Variants in IGDCC3 observed in about 807,000 individuals in gnomAD.
IGDCC3 encodes putative neuronal cell adhesion molecule.
IGDCC3 carries 47 observed loss-of-function variants against 72.0 expected under a neutral mutation model. The ratio of observed to expected loss-of-function variants is 0.65; its 90% CI spans 0.52 to 0.83. IGDCC3 has a LOEUF of 0.83. IGDCC3 is among the 40% of genes least tolerant of loss of function. IGDCC3 has a pLI of 0.00. For synonymous variants in IGDCC3, 477 were observed against 472.8 expected, an observed-to-expected ratio of 1.01 and a Z score of -0.11; for missense variants, 1,038 against 1,091.3, an observed-to-expected ratio of 0.95 and a Z score of 0.69.
intron 2 of IGDCC3, among the ~76,000 whole-genome samples, chr15:65,362,846 ATTT>A (rs869239198): frequency 0.12 from 9,964 of 85,270 alleles, 561 homozygotes; most frequent in East Asian, 0.34. Context: ...AGGTTTGGGG[ATTT>A]TTTTTTTTTT....
intron 9 of IGDCC3, 58 bp downstream of exon 9, chr15:65,330,992 T>C: frequency 1.3e-6 from 2 of 1,583,108 alleles, no homozygotes; most frequent in South Asian, 1.2e-5. Flanking sequence ...GCATGGTGGT[T>C]CTGCTCTGAT....
rs1463845011 is a variant in IGDCC3, at chr15:65,333,388, A to G, written c.851T>C (p.Ile284Thr). 1 of 1,609,458 alleles carries G rather than the reference A, an allele frequency of 6.2e-7. No individual in the cohort carries two copies. The highest frequency in any genetic ancestry group is 8.5e-7 in the Non-Finnish European group (1 of 1,177,866). Residue 284 changes from isoleucine (I) to threonine (T), a missense_variant, in exon 6 of 14, where the codon ATC (isoleucine) becomes ACC (threonine). By Grantham distance (89) the Ile-to-Thr change is moderately conservative. Transcript: ENST00000327987. The stretch of plus-strand genomic sequence containing the variant: ...GAGGTTTCCTGTGCCCAGCACCTGG[A>G]TGCCCTCCACCCCGATAGGGCGACC... ...LDGRPIGVEG[I>T]QVLGTGNLII...
rs747473718 is a variant in IGDCC3, at chr15:65,329,108, A to T, written c.2246T>A (p.Leu749His). 5 of 1,610,240 alleles carry T rather than the reference A, an allele frequency of 3.1e-6. No individual in the cohort carries two copies. Among genetic ancestry groups the T allele is most frequent in the Non-Finnish European group, 4.2e-6 (5 of 1,178,856 alleles). ...AAPAPCEETQLSVLPLQGCGL... is the reference protein window; with the variant it reads ...AAPAPCEETQHSVLPLQGCGL... ...GCACCCCTGAAGTGGCAGCACGGAG[A>T]GCTGGGTCTCCTCACACGGAGCGGG... The change falls in exon 14 of 14, where the codon CTC (leucine) becomes CAC (histidine). Residue 749 changes from leucine to histidine, a missense_variant. Coordinates refer to ENST00000327987, the MANE Select transcript of IGDCC3 (RefSeq NM_004884.4). The surrounding 1 kb of genome is among the most constrained non-coding windows in gnomAD (Gnocchi z 4.1).
intron 7 of IGDCC3, 44 bp downstream of exon 7, chr15:65,331,897 C>A (rs1387122696): frequency 6.3e-7 from 1 of 1,583,152 alleles, no homozygotes; most frequent in Non-Finnish European, 8.6e-7. Context: ...CCCGCTTTCC[C>A]TGCTCTCCCC....
At position 65,329,054 on chromosome 15, in the gene IGDCC3, G is replaced by GCCTCCGTCGTCTTCC. The variant is rs1156278573; in HGVS notation, c.2285_2299dup (p.Gly762_Glu766dup). Reference sequence around the variant, plus strand: ...GGGAGCCGTGGCCTCTGTGGTCTTCGCCTCCGTCGTCTTCCCCTCCATCAG... The same window carrying GCCTCCGTCGTCTTCC: ...GGGAGCCGTGGCCTCTGTGGTCTTCGCCTCCGTCGTCTTCCCCTCCGTCGTCTTCCCCTCCATCAG... On this transcript the variant is annotated inframe_insertion, in exon 14 of 14. Coordinates refer to ENST00000327987, the MANE Select transcript of IGDCC3 (RefSeq NM_004884.4). This position sits in a 1 kb window ranked among gnomAD's most constrained non-coding sequence, Gnocchi z 4.1. The GCCTCCGTCGTCTTCC allele has an allele frequency of 1.2e-6, 2 of 1,611,722 alleles. No individual in the cohort carries two copies. Among genetic ancestry groups the GCCTCCGTCGTCTTCC allele is most frequent in the African/African-American group, 1.3e-5 (1 of 74,912 alleles).
At chr15:65,336,782 TAA>T (rs2091033039) in intron 2 of IGDCC3, among the ~76,000 whole-genome samples, 2 of 151,540 alleles carry the variant, frequency 1.3e-5, no homozygotes, top group African/African-American at 4.9e-5. Context: ...ACAGGCTGGT[TAA>T]GTGTTTCTGC....
At chr15:65,338,904 TC>T in intron 2 of IGDCC3, among the ~76,000 whole-genome samples, 2 of 152,088 alleles carry the variant, frequency 1.3e-5, no homozygotes, top group East Asian at 3.9e-4. Flanking sequence ...TAGTATTTTT[TC>T]TTTTTTTTTT....
intron 2 of IGDCC3, among the ~76,000 whole-genome samples, chr15:65,352,189 A>AT (rs1164171679): frequency 6.6e-6 from 1 of 152,172 alleles, no homozygotes; most frequent in Non-Finnish European, 1.5e-5. Context: ...AGTCAAGGAA[A>AT]TTTTTTTGAG....
chr15:65,337,731 T>G (rs2091043961), intron 2 of IGDCC3, among the ~76,000 whole-genome samples: 1 of 152,140 alleles, frequency 6.6e-6, no homozygotes, highest in Non-Finnish European at 1.5e-5. Flanking sequence ...CTGGATGCCA[T>G]GAGCCCAGGG....
At chr15:65,331,735 A>ATTTTCC in intron 7 of IGDCC3, 76 bp from the exon 8 acceptor site, 3 of 1,486,772 alleles carry the variant, frequency 2.0e-6, no homozygotes, top group Non-Finnish European at 2.7e-6. Flanking sequence ...AAAGATGGAG[A>ATTTTCC]AACTGAGTCT....
chr15:65,345,666 G>C (rs1313565345), intron 2 of IGDCC3, among the ~76,000 whole-genome samples: 3 of 151,972 alleles, frequency 2.0e-5, no homozygotes, highest in Non-Finnish European at 4.4e-5. Context: ...AACATCAGAA[G>C]GATGAAAGCA....
At chr15:65,364,101 A>T (rs2091276105) in intron 2 of IGDCC3, among the ~76,000 whole-genome samples, 1 of 151,556 alleles carries the variant, frequency 6.6e-6, no homozygotes, top group African/African-American at 2.4e-5. Flanking sequence ...ACACTCCCCT[A>T]CTCTCACATT....
At chr15:65,374,977 A>G in intron 2 of IGDCC3, 120 bp downstream of exon 2, 1 of 830,838 alleles carries the variant, frequency 1.2e-6, no homozygotes, top group Non-Finnish European at 1.9e-6. Flanking sequence ...ACCCATGCTG[A>G]GAAATTAGTC....
rs1221614457 is a variant in IGDCC3 at position 65,327,541 on chromosome 15, T to G, written c.*1368A>C. 2 of 152,268 alleles carry G rather than the reference T, an allele frequency of 1.3e-5. No homozygotes were observed. The highest frequency in any genetic ancestry group is 2.9e-5 in the Non-Finnish European group (2 of 68,046). The allele number at this position is 152,268 out of a possible 1,614,324, so 9.4% of individuals were successfully genotyped here. A position where few individuals can be genotyped will look rare whatever the true frequency, so the allele number is the denominator to read the frequency against. On this transcript the variant is annotated 3_prime_UTR_variant, in exon 14 of 14. Transcript: ENST00000327987. The stretch of plus-strand genomic sequence containing the variant: ...TTTAAAAAAAGTTTTTCTTCTGCTA[T>G]TTAAAAAAATGTTTCTGAGTATAAC...
chr15:65,342,857 G>T (rs2091094273), intron 2 of IGDCC3, among the ~76,000 whole-genome samples: 1 of 150,078 alleles, frequency 6.7e-6, no homozygotes, highest in African/African-American at 2.5e-5. Context: ...GTGTTTGTTT[G>T]TTTTTTTTTG....
chr15:65,355,645 C>G (rs2091212853), intron 2 of IGDCC3: 1 of 351,376 alleles, frequency 2.8e-6, no homozygotes, highest in South Asian at 1.9e-5. Flanking sequence ...TAATCCCCGC[C>G]GACGCGGGCG....
At position 65,364,092 on chromosome 15, in the gene IGDCC3, C is replaced by T. The variant is rs116186771; in HGVS notation, c.409+11005G>A. 4.4e-3 allele frequency among the ~76,000 whole-genome samples: 665 copies of T among 152,332 alleles called. 4 individuals are homozygous for T. The highest frequency in any genetic ancestry group is 0.015 in the African/African-American group (614 of 41,564). ...GTTCTAAGCTGTCCTCTGTTCTCTA[C>T]ACTCCCCTACTCTCACATTACATGC... On this transcript the variant is annotated intron_variant, in intron 2 of 13. Coordinates refer to ENST00000327987, the MANE Select transcript of IGDCC3 (RefSeq NM_004884.4).
At chr15:65,332,211 T>C (rs971612205) in intron 6 of IGDCC3, 105 bp from the exon 7 acceptor site, 1 of 1,348,014 alleles carries the variant, frequency 7.4e-7, no homozygotes, top group East Asian at 2.4e-5. Context: ...GGGTGAGAGG[T>C]GGGCTCCAAA....
chr15:65,337,479 C>A (rs2091041162), intron 2 of IGDCC3, among the ~76,000 whole-genome samples: 1 of 152,152 alleles, frequency 6.6e-6, no homozygotes, highest in Non-Finnish European at 1.5e-5. Context: ...GTAGGTACAG[C>A]CCTTATAAAC....
Sources: gnomAD v4.1 joint callset for allele counts (sites outside exome capture counted in the v4.1 genomes callset) on GRCh38, gnomAD v4.1.1 for gene constraint, Gnocchi (gnomAD v3.1) non-coding constraint, MANE v1.5 for transcripts, NCBI Gene and HGNC (gene_info 2026-07-23, HGNC 2026-07-21) for gene names.